KANSL1: variants seen among roughly 807,000 people sequenced by gnomAD.
KANSL1 encodes MLL1/MLL complex subunit KANSL1.
A neutral mutation model predicts 103.6 loss-of-function variants in KANSL1; 22 were observed. That is an observed-to-expected ratio of 0.21 (90% CI 0.15 to 0.30). The LOEUF (loss-of-function observed/expected upper bound fraction) is 0.30. Ranked by LOEUF, KANSL1 falls within the 10% of genes least tolerant of loss-of-function variation. The probability of loss-of-function intolerance (pLI) is 1.00; values close to 1 mark genes in which losing one functional copy is unlikely to be tolerated. For missense variants in KANSL1, 1,337 were observed against 1,399.8 expected, an observed-to-expected ratio of 0.96 and a Z score of 0.72; for synonymous variants, 600 against 527.6, an observed-to-expected ratio of 1.14 and a Z score of -1.88.
At chr17:46,116,519 G>A (rs146390235) in intron 2 of KANSL1, among the ~76,000 whole-genome samples, 3 of 151,680 alleles carry the variant, frequency 2.0e-5, no homozygotes, top group Admixed American at 6.6e-5. Context: ...AACAGAGCGC[G>A]ACTCCGTCTC....
At chr17:46,116,391 G>A (rs957700357) in intron 2 of KANSL1, among the ~76,000 whole-genome samples, 3 of 152,140 alleles carry the variant, frequency 2.0e-5, no homozygotes, top group Non-Finnish European at 4.4e-5. Flanking sequence ...TTAGCCGGGC[G>A]TGGTGGTGCG....
chr17:46,049,240 C>CTTTTTTTTTTTTTTTTT, intron 7 of KANSL1, among the ~76,000 whole-genome samples: 1 of 75,770 alleles, frequency 1.3e-5, no homozygotes, highest in Non-Finnish European at 2.4e-5. Context: ...CATCCAAGAC[C>CTTTTTTTTTTTTTTTTT]TTTTTTTTTT....
chr17:46,081,473 A>G (rs1045826818), intron 4 of KANSL1, among the ~76,000 whole-genome samples: 4 of 152,226 alleles, frequency 2.6e-5, no homozygotes, highest in African/African-American at 7.2e-5. Context: ...AATTTATTCA[A>G]AACTACTTTC....
At chr17:46,168,860 A>G (rs1480768196) in intron 2 of KANSL1, among the ~76,000 whole-genome samples, 19 of 152,266 alleles carry the variant, frequency 1.2e-4, no homozygotes, top group Non-Finnish European at 1.5e-5. Flanking sequence ...CCATTATGTG[A>G]GAAGAATGCT....
At chr17:46,065,066 G>A (rs1156941942) in intron 6 of KANSL1, among the ~76,000 whole-genome samples, 2 of 151,344 alleles carry the variant, frequency 1.3e-5, no homozygotes, top group African/African-American at 2.4e-5. Context: ...GTGTCAACCT[G>A]GTGGGCTCAA....
At chr17:46,115,476 C>T (rs898427170) in intron 2 of KANSL1, among the ~76,000 whole-genome samples, 1 of 152,050 alleles carries the variant, frequency 6.6e-6, no homozygotes, top group Admixed American at 6.6e-5. Context: ...TACCCCCGTC[C>T]CCACCCCCAC....
chr17:46,076,377 TC>T (rs2078770891), intron 4 of KANSL1, among the ~76,000 whole-genome samples: 1 of 151,164 alleles, frequency 6.6e-6, no homozygotes, highest in Admixed American at 6.6e-5. Flanking sequence ...ACGCCTGTAA[TC>T]CCAGCTACTC....
At chr17:46,169,039 C>A (rs2532278) in intron 2 of KANSL1, among the ~76,000 whole-genome samples, 21,943 of 152,162 alleles carry the variant, frequency 0.14, 2,134 homozygotes, top group Non-Finnish European at 0.22. Context: ...GAAAACAATA[C>A]GCTTATAGTG....
In KANSL1 at chr17:46,193,342, A is replaced by AGCGGTGGCG. The variant is rs544935655; in HGVS notation, c.-618_-610dup. 3.4e-4 allele frequency: 53 copies of AGCGGTGGCG among 156,178 alleles called. No individual in the cohort carries two copies. The highest frequency in any genetic ancestry group is 2.4e-3 in the South Asian group (12 of 4,964). The allele number at this position is 156,178 out of a possible 1,614,324, so 9.7% of individuals were successfully genotyped here. A position where few individuals can be genotyped will look rare whatever the true frequency, so the allele number is the denominator to read the frequency against. On this transcript the variant is annotated 5_prime_UTR_variant, in exon 1 of 15. Transcript: ENST00000432791. Reference sequence around the variant, plus strand: ...GCTCGGTTCTCCCGCCGGCTCGGCGAGCGGTGGCGGCGGTGGCGGCGGCAC... The same window carrying AGCGGTGGCG: ...GCTCGGTTCTCCCGCCGGCTCGGCGAGCGGTGGCGGCGGTGGCGGCGGTGGCGGCGGCAC...
At chr17:46,116,078 G>C (rs1488397380) in intron 2 of KANSL1, among the ~76,000 whole-genome samples, 1 of 152,202 alleles carries the variant, frequency 6.6e-6, no homozygotes, top group Non-Finnish European at 1.5e-5. Flanking sequence ...TTATAAATAA[G>C]TCAACTGACC....
intron 2 of KANSL1, among the ~76,000 whole-genome samples, chr17:46,140,648 A>G (rs1007754617): frequency 9.9e-5 from 15 of 152,266 alleles, no homozygotes; most frequent in African/African-American, 3.4e-4. Flanking sequence ...CTATTTGACA[A>G]GACACTGGTC....
intron 2 of KANSL1, among the ~76,000 whole-genome samples, chr17:46,146,010 G>C (rs2044679937): frequency 6.6e-6 from 1 of 152,228 alleles, no homozygotes; most frequent in African/African-American, 2.4e-5. Flanking sequence ...GATTACAGGT[G>C]TGAGCCACCG....
At chr17:46,148,877 T>C (rs2147461886) in intron 2 of KANSL1, among the ~76,000 whole-genome samples, 1 of 146,718 alleles carries the variant, frequency 6.8e-6, no homozygotes, top group Non-Finnish European at 1.5e-5. Context: ...TGAACCACCG[T>C]ACCTGGCCTG....
At chr17:46,042,696 G>A (rs2077365863) in intron 7 of KANSL1, 1 of 151,558 alleles carries the variant, frequency 6.6e-6, no homozygotes, top group Non-Finnish European at 1.5e-5. Flanking sequence ...CCTGCCTATG[G>A]TATAGATGAT....
At chr17:46,165,278 G>C (rs1357461731) in intron 2 of KANSL1, among the ~76,000 whole-genome samples, 1 of 152,036 alleles carries the variant, frequency 6.6e-6, no homozygotes, top group African/African-American at 2.4e-5. Flanking sequence ...TGTCGCCCAG[G>C]CTGGAGTGCA....
intron 1 of KANSL1, among the ~76,000 whole-genome samples, chr17:46,219,077 C>A (rs962633628): frequency 1.3e-5 from 2 of 151,696 alleles, no homozygotes; most frequent in Admixed American, 6.6e-5. Flanking sequence ...CCTGGCCAAG[C>A]TGGTGAAACC....
intron 1 of KANSL1, among the ~76,000 whole-genome samples, chr17:46,182,196 C>T (rs981900502): frequency 2.6e-5 from 4 of 152,074 alleles, no homozygotes; most frequent in African/African-American, 9.7e-5. Flanking sequence ...GGGGGTTGCC[C>T]TCAAGTGTAA....
chr17:46,164,075 T>C (rs1483195305), intron 2 of KANSL1, among the ~76,000 whole-genome samples: 1 of 152,272 alleles, frequency 6.6e-6, no homozygotes, highest in Non-Finnish European at 1.5e-5. Context: ...CCCTTCACTC[T>C]TTAAACTTCT....
chr17:46,105,589 C>T (rs75330746), intron 2 of KANSL1, among the ~76,000 whole-genome samples: 21,495 of 151,580 alleles, frequency 0.14, 2,086 homozygotes, highest in Non-Finnish European at 0.22. Flanking sequence ...CACTCCAGAC[C>T]AGGTGACAAG....
Sources: gnomAD v4.1 joint callset for allele counts (sites outside exome capture counted in the v4.1 genomes callset) on GRCh38, gnomAD v4.1.1 for gene constraint, MANE v1.5 for transcripts, NCBI Gene and HGNC (gene_info 2026-07-23, HGNC 2026-07-21) for gene names.